PREX1: variants seen among roughly 807,000 people sequenced by gnomAD.
PREX1 encodes phosphatidylinositol 3,4,5-trisphosphate-dependent Rac exchanger 1 protein.
Under a neutral mutation model 198.3 loss-of-function variants are expected in PREX1, and 41 were observed. The observed-to-expected ratio is 0.21, with a 90% CI of 0.16 to 0.27. The LOEUF (loss-of-function observed/expected upper bound fraction) is 0.27, where lower values mean the gene tolerates loss of function less well. PREX1 is among the 10% of genes least tolerant of loss of function. The pLI is 1.00. For synonymous variants in PREX1, 843 were observed against 887.2 expected, an observed-to-expected ratio of 0.95 and a Z score of 0.89; for missense variants, 1,620 against 2,200.7, an observed-to-expected ratio of 0.74 and a Z score of 5.28.
chr20:48,816,933 G>A (rs915410624), intron 1 of PREX1, among the ~76,000 whole-genome samples: 8 of 152,136 alleles, frequency 5.3e-5, no homozygotes, highest in Non-Finnish European at 1.2e-4. Context: ...CTAAATGTGT[G>A]GTAACTTGTT....
chr20:48,702,458 C>G (rs1016306341), intron 6 of PREX1, among the ~76,000 whole-genome samples: 6 of 152,230 alleles, frequency 3.9e-5, no homozygotes, highest in African/African-American at 1.4e-4. Context: ...TGGAGTCTTC[C>G]CTGGTACTTG....
intron 39 of PREX1, 146 bp from the exon 40 acceptor site, chr20:48,626,073 C>A: frequency 1.1e-6 from 1 of 877,038 alleles, no homozygotes; most frequent in Non-Finnish European, 1.7e-6. Flanking sequence ...AATATCTATG[C>A]TGTCCATGCC....
intron 36 of PREX1, 50 bp from the exon 37 acceptor site, chr20:48,629,671 C>G (rs764797114): frequency 1.9e-6 from 3 of 1,573,846 alleles, no homozygotes; most frequent in South Asian, 2.3e-5. Flanking sequence ...GTCCTCACAG[C>G]CCCTCAGCCC....
chr20:48,881,695 C>T, the PREX1 span, among the ~76,000 whole-genome samples: 1 of 152,122 alleles, frequency 6.6e-6, no homozygotes, highest in Non-Finnish European at 1.5e-5. Context: ...CCCTATTGGC[C>T]GGGCTGGTCT....
chr20:48,628,311 C>T (rs766828247), intron 37 of PREX1, among the ~76,000 whole-genome samples: 6 of 152,130 alleles, frequency 3.9e-5, no homozygotes, highest in East Asian at 1.9e-4. Context: ...CACGACTTGT[C>T]GGCTCCGTGG....
intron 4 of PREX1, among the ~76,000 whole-genome samples, chr20:48,726,948 G>A (rs536738578): frequency 6.6e-6 from 1 of 152,216 alleles, no homozygotes; most frequent in South Asian, 2.1e-4. Context: ...AGGGCCACAC[G>A]TAGCAACACG....
intron 1 of PREX1, among the ~76,000 whole-genome samples, chr20:48,766,906 C>T (rs1374305262): frequency 5.3e-5 from 8 of 152,182 alleles, no homozygotes; most frequent in Admixed American, 2.6e-4. Flanking sequence ...GATAACACTG[C>T]CGGCTTCATG....
At chr20:48,648,197 G>A (rs1260116528) in intron 25 of PREX1, among the ~76,000 whole-genome samples, 5 of 152,206 alleles carry the variant, frequency 3.3e-5, no homozygotes, top group African/African-American at 9.7e-5. Context: ...ATGAGCCACT[G>A]TACCCAGCCC....
chr20:48,782,949 G>A (rs879861970), intron 1 of PREX1, among the ~76,000 whole-genome samples: 1 of 152,068 alleles, frequency 6.6e-6, no homozygotes, highest in Admixed American at 6.6e-5. Flanking sequence ...GAGGTGACGG[G>A]GCTACAGCAA....
At position 48,625,750 on chromosome 20, in the gene PREX1, G is replaced by T. The variant is rs1478405377; in HGVS notation, c.*135C>A. 1.8e-6 allele frequency: 2 copies of T among 1,082,812 alleles called. No individual in the cohort carries two copies. The highest frequency in any genetic ancestry group is 2.6e-6 in the Non-Finnish European group (2 of 780,490). 67.1% of individuals were successfully genotyped at this position (1,082,812 alleles called of 1,614,324 possible). ...CAGGCTTGTCCCGGAAGGAGGCAGG[G>T]AGGACGCTGGGCAGGTCCCGGAACG... On this transcript the variant is annotated 3_prime_UTR_variant, in exon 40 of 40. Transcript: ENST00000371941.
At chr20:48,720,768 T>G (rs2089981584) in intron 5 of PREX1, among the ~76,000 whole-genome samples, 1 of 151,612 alleles carries the variant, frequency 6.6e-6, no homozygotes, top group Non-Finnish European at 1.5e-5. Context: ...ACTCAGTCCA[T>G]CCCAGGAGCG....
the PREX1 span, among the ~76,000 whole-genome samples, chr20:48,861,706 C>G: frequency 6.6e-6 from 1 of 152,138 alleles, no homozygotes; most frequent in Admixed American, 6.6e-5. Flanking sequence ...ATCTCTGAGA[C>G]TCTCCTTTTT....
intron 2 of PREX1, among the ~76,000 whole-genome samples, 153 bp downstream of exon 2, chr20:48,747,656 G>C (rs1372872850): frequency 6.6e-6 from 1 of 152,236 alleles, no homozygotes; most frequent in African/African-American, 2.4e-5. Context: ...AGGGGCTGAA[G>C]GGAGCAAGCT....
chr20:48,676,978 G>C (rs1436620729), intron 13 of PREX1, among the ~76,000 whole-genome samples: 4 of 152,208 alleles, frequency 2.6e-5, no homozygotes, highest in Non-Finnish European at 4.4e-5. Flanking sequence ...GCCGAGCCTG[G>C]ATCCCATGGG....
At chr20:48,695,708 T>C (rs1005753186) in intron 7 of PREX1, among the ~76,000 whole-genome samples, 1 of 152,254 alleles carries the variant, frequency 6.6e-6, no homozygotes, top group Non-Finnish European at 1.5e-5. Flanking sequence ...TGGTGCCTTC[T>C]TTTGTGAAAT....
the PREX1 span, among the ~76,000 whole-genome samples, chr20:48,879,418 A>G: frequency 2.0e-5 from 3 of 152,206 alleles, no homozygotes; most frequent in African/African-American, 7.2e-5. Context: ...ATAATAGTTG[A>G]TAAACAGTAC....
intron 4 of PREX1, among the ~76,000 whole-genome samples, chr20:48,732,162 T>C (rs1218318106): frequency 2.0e-5 from 3 of 152,242 alleles, no homozygotes; most frequent in Non-Finnish European, 1.5e-5. Context: ...AATGTGAAGA[T>C]GTAGGTACCG....
chr20:48,663,322 C>T (rs905363195), intron 15 of PREX1, among the ~76,000 whole-genome samples: 1 of 152,232 alleles, frequency 6.6e-6, no homozygotes, highest in Non-Finnish European at 1.5e-5. Flanking sequence ...ACGTGGCTCA[C>T]TCTGCCAAGG....
intron 1 of PREX1, among the ~76,000 whole-genome samples, chr20:48,784,525 A>G (rs943000921): frequency 2.0e-5 from 3 of 152,144 alleles, no homozygotes; most frequent in African/African-American, 7.2e-5. Flanking sequence ...CCCATTTTCA[A>G]TGAGTTCTCA....
Sources: gnomAD v4.1 joint callset for allele counts (sites outside exome capture counted in the v4.1 genomes callset) on GRCh38, gnomAD v4.1.1 for gene constraint, MANE v1.5 for transcripts, NCBI Gene and HGNC (gene_info 2026-07-23, HGNC 2026-07-21) for gene names.